Variants in ELP1 observed in about 807,000 individuals in gnomAD.
ELP1 encodes elongator complex protein 1.
A neutral mutation model predicts 183.2 loss-of-function variants in ELP1; 131 were observed. The observed-to-expected ratio is 0.72, with a 90% CI of 0.62 to 0.83. The LOEUF (loss-of-function observed/expected upper bound fraction) is 0.83, where lower values mean the gene tolerates loss of function less well. Ranked by LOEUF, ELP1 falls within the 40% of genes least tolerant of loss-of-function variation. The probability of loss-of-function intolerance (pLI) is 0.00; values close to 1 mark genes in which losing one functional copy is unlikely to be tolerated. For synonymous variants in ELP1, 555 were observed against 569.0 expected (o/e 0.98, Z 0.35); for missense variants, 1,550 against 1,594.9 (o/e 0.97, Z 0.48).
At chr9:108,926,410 G>T in intron 5 of ELP1, 113 bp downstream of exon 5, 1 of 818,722 alleles carries the variant, frequency 1.2e-6, no homozygotes, top group East Asian at 2.6e-5. Flanking sequence ...TAATAGCTGG[G>T]GGTTTAACTT....
chr9:108,918,060 A>C (rs763675718), intron 8 of ELP1, among the ~76,000 whole-genome samples: 21 of 152,244 alleles, frequency 1.4e-4, no homozygotes, highest in Non-Finnish European at 2.6e-4. Flanking sequence ...TCTATGCTCC[A>C]GTAGGTCTTT....
intron 7 of ELP1, 112 bp downstream of exon 7, chr9:108,919,141 T>G: frequency 1.3e-6 from 1 of 793,072 alleles, no homozygotes; most frequent in South Asian, 1.5e-5. Flanking sequence ...AGCACATCCT[T>G]GCCTCATATG....
intron 30 of ELP1, 33 bp from the exon 31 acceptor site, chr9:108,881,798 AAAACTT>A: frequency 8.0e-7 from 1 of 1,252,180 alleles, no homozygotes; most frequent in Non-Finnish European, 1.2e-6. Context: ...TTTAGGAAGG[AAAACTT>A]CTAGTCACTG....
rs113616236 is a variant in ELP1 at position 108,909,513 on chromosome 9, C to T, written c.1361-1109G>A. 3.6e-3 allele frequency among the ~76,000 whole-genome samples: 552 copies of T among 152,308 alleles called. 4 individuals are homozygous for T. The highest frequency in any genetic ancestry group is 6.4e-3 in the Non-Finnish European group (432 of 68,024). On this transcript the variant is annotated intron_variant, in intron 12 of 36. Transcript: ENST00000374647. ...TCTTAATTTCCCTTCCACTTGGGCA[C>T]GGAGCCCTGACCTGTTCCAGTCCAA...
At chr9:108,916,444 A>C in intron 9 of ELP1, 147 bp from the exon 10 acceptor site, 1 of 702,498 alleles carries the variant, frequency 1.4e-6, no homozygotes, top group Non-Finnish European at 2.6e-6. Context: ...CAGAGGCATT[A>C]AACAAATCTG....
chr9:108,923,815 C>G (rs1355800520), intron 5 of ELP1, among the ~76,000 whole-genome samples: 1 of 152,200 alleles, frequency 6.6e-6, no homozygotes, highest in Non-Finnish European at 1.5e-5. Flanking sequence ...ACAACACAAC[C>G]CTTCTGTTCC....
rs546205232 is a variant in ELP1 at position 108,914,506 on chromosome 9, C to T, written c.958+1698G>A. Among the ~76,000 whole-genome samples the T allele has an allele frequency of 9.4e-4, 143 of 151,780 alleles. 2 individuals carry two copies. The South Asian group carries it at 0.015, about 15-fold the overall frequency. ...ATGAACAAAAATGTACCATGCATTG[C>T]TGTTTACAATAATGAGAAATGACAA... On this transcript the variant is annotated intron_variant, in intron 10 of 36. Transcript: ENST00000374647.
intron 29 of ELP1, 83 bp downstream of exon 29, chr9:108,889,249 T>C: frequency 7.9e-7 from 1 of 1,266,016 alleles, no homozygotes; most frequent in South Asian, 1.2e-5. Flanking sequence ...GCACAGTTCC[T>C]TTAACTTTCA....
At chr9:108,917,338 A>AT (rs1829475559) in intron 9 of ELP1, among the ~76,000 whole-genome samples, 1 of 152,110 alleles carries the variant, frequency 6.6e-6, no homozygotes, top group African/African-American at 2.4e-5. Flanking sequence ...GTGGTGGCGC[A>AT]AGCCTGTAAT....
chr9:108,895,146 T>C (rs1828491099), intron 25 of ELP1, among the ~76,000 whole-genome samples: 1 of 152,136 alleles, frequency 6.6e-6, no homozygotes, highest in Non-Finnish European at 1.5e-5. Context: ...GTGAGATTGC[T>C]TGAGCCTAGG....
At chr9:108,891,743 G>A (rs1828343924) in intron 27 of ELP1, among the ~76,000 whole-genome samples, 1 of 152,128 alleles carries the variant, frequency 6.6e-6, no homozygotes, top group African/African-American at 2.4e-5. Flanking sequence ...ATGGACTTAG[G>A]GACAAAATAT....
intron 9 of ELP1, 77 bp downstream of exon 9, chr9:108,917,467 CAAA>C (rs34189987): frequency 3.2e-3 from 3,761 of 1,193,274 alleles, no homozygotes; most frequent in South Asian, 4.5e-3. Context: ...AACTCCATCT[CAAA>C]AAAAAAAAAA....
chr9:108,910,863 A>G lies in ELP1; in HGVS notation c.1360+147T>C, dbSNP rs1023356369. On this transcript the variant is annotated intron_variant, in intron 12 of 36. Coordinates refer to ENST00000374647, the MANE Select transcript of ELP1 (RefSeq NM_003640.5). ...AAAAAAACAAAAACCCAAGGCAATT[A>G]AATATCATAATGATAATGATATCAA... 6.0e-6 allele frequency: 4 copies of G among 669,020 alleles called. No homozygotes were observed. The African/African-American group carries it at 7.4e-5, about 12-fold the overall frequency. The allele number at this position is 669,020 out of a possible 1,614,324, so 41.4% of individuals were successfully genotyped here. A position where few individuals can be genotyped will look rare whatever the true frequency, so the allele number is the denominator to read the frequency against.
intron 7 of ELP1, 66 bp from the exon 8 acceptor site, chr9:108,918,967 G>T: frequency 2.5e-6 from 3 of 1,198,228 alleles, no homozygotes; most frequent in South Asian, 1.2e-5. Context: ...TGTCAATTCA[G>T]AACTATTCAA....
At chr9:108,913,839 G>A (rs950512300) in intron 10 of ELP1, among the ~76,000 whole-genome samples, 6 of 152,112 alleles carry the variant, frequency 3.9e-5, no homozygotes, top group African/African-American at 1.4e-4. Context: ...TAGAGACAGG[G>A]TTTCATCCTG....
chr9:108,906,500 G>C lies in ELP1; in HGVS notation c.1461-15C>G. On this transcript the variant is annotated splice_polypyrimidine_tract_variant and intron_variant, in intron 13 of 36. Transcript: ENST00000374647. ...CAAACTGGATTCTATTGTAAATATT[G>C]AAGAATATCCAAGACATGAATAAAA... 1.2e-6 allele frequency: 2 copies of C among 1,606,836 alleles called. No individual in the cohort carries two copies. The highest frequency in any genetic ancestry group is 1.7e-6 in the Non-Finnish European group (2 of 1,173,518).
In ELP1 at chr9:108,893,942, C is replaced by T. The variant is rs1242880171; in HGVS notation, c.2860+1G>A. 1.2e-6 allele frequency: 2 copies of T among 1,613,786 alleles called. No individual in the cohort carries two copies. Among genetic ancestry groups the T allele is most frequent in the Admixed American group, 1.7e-5 (1 of 60,018 alleles). On this transcript the variant is annotated splice_donor_variant, in intron 26 of 36. Coordinates refer to ENST00000374647, the MANE Select transcript of ELP1 (RefSeq NM_003640.5). LOFTEE classifies it high-confidence loss of function. The stretch of plus-strand genomic sequence containing the variant: ...ATAAACATACTAATCCCCACACTTA[C>T]CACATTTGCTGAGGTGGCCAATGGC...
rs1587890642 is a variant in ELP1 at position 108,896,654 on chromosome 9, T to TTG, written c.2588-11_2588-10insCA. On this transcript the variant is annotated splice_polypyrimidine_tract_variant and intron_variant, in intron 24 of 36. Transcript: ENST00000374647. Reference sequence around the variant, plus strand: ...TCAGAGGGAGCATTTCCTAACAGTGTTTAGAAAACAAAACAGAACACAATC... The same window carrying TTG: ...TCAGAGGGAGCATTTCCTAACAGTGTTGTTAGAAAACAAAACAGAACACAATC... The TTG allele has an allele frequency of 1.9e-6, 3 of 1,613,142 alleles. No homozygotes were observed. Among genetic ancestry groups the TTG allele is most frequent in the Non-Finnish European group, 2.5e-6 (3 of 1,179,168 alleles).
chr9:108,922,740 C>T (rs959588538), intron 6 of ELP1, 102 bp downstream of exon 6: 2 of 833,572 alleles, frequency 2.4e-6, no homozygotes, highest in Non-Finnish European at 4.2e-6. Context: ...CAGAAGAGAA[C>T]TGTTCATTAC....
Sources: allele counts gnomAD v4.1 joint callset (sites outside exome capture counted in the v4.1 genomes callset), GRCh38; gene constraint gnomAD v4.1.1; transcripts MANE v1.5; gene names NCBI Gene and HGNC (gene_info 2026-07-23, HGNC 2026-07-21).